CEP250: variants seen among roughly 807,000 people sequenced by gnomAD.
CEP250 encodes centrosome-associated protein CEP250.
A neutral mutation model predicts 315.7 loss-of-function variants in CEP250; 242 were observed. That is an observed-to-expected ratio of 0.77 (90% CI 0.69 to 0.85). The LOEUF is 0.85. CEP250 is among the 40% of genes least tolerant of loss of function. CEP250 has a pLI of 0.00. For synonymous variants in CEP250, 1,088 were observed against 1,175.0 expected, an observed-to-expected ratio of 0.93 and a Z score of 1.51; for missense variants, 2,515 against 2,886.4, an observed-to-expected ratio of 0.87 and a Z score of 2.95.
Position 35,491,252 on chromosome 20 carries a change from A to G in CEP250, c.2795A>G (p.Glu932Gly), listed in dbSNP as rs114806315. 26 of 1,610,172 alleles carry G rather than the reference A, an allele frequency of 1.6e-5. No homozygotes were observed. Among genetic ancestry groups the G allele is most frequent in the African/African-American group, 2.7e-5 (2 of 74,964 alleles). ...GAGAAGGAGAGAGTATCCCTCCTGGAGACACTGCTGCAGACGCAGAAGGAG... is the reference window on the plus strand; with the variant it reads ...GAGAAGGAGAGAGTATCCCTCCTGGGGACACTGCTGCAGACGCAGAAGGAG... ...ETEKERVSLL[E>G]TLLQTQKELA... The change falls in exon 22 of 35, where the codon GAG becomes GGG. Residue 932 changes from glutamate (E) to glycine (G), a missense_variant. Coordinates refer to ENST00000397527, the MANE Select transcript of CEP250 (RefSeq NM_007186.6).
rs1443497116 is a variant in CEP250 at position 35,473,972 on chromosome 20, G to A, written c.1491G>A (p.Gln497=). The A allele has an allele frequency of 6.2e-7, 1 of 1,609,640 alleles. No individual in the cohort carries two copies. The highest frequency in any genetic ancestry group is 2.2e-5 in the East Asian group (1 of 44,732). Residue 497 remains glutamine (Q), a synonymous_variant, in exon 14 of 35, where the codon CAG becomes CAA. Transcript: ENST00000397527. Reference sequence around the variant, plus strand: ...TGCGAAGGGTAAATGTGGAGCTTCAGCTGCAGGGGGACTCTGCCCAGGGCC... The same window carrying A: ...TGCGAAGGGTAAATGTGGAGCTTCAACTGCAGGGGGACTCTGCCCAGGGCC... ...WRLRRVNVEL[Q]LQGDSAQGQK...
chr20:35,498,217 C>T (rs1351434413), intron 26 of CEP250, 150 bp downstream of exon 26: 1 of 694,814 alleles, frequency 1.4e-6, no homozygotes, highest in African/African-American at 1.8e-5. Flanking sequence ...AGCCCCAGCT[C>T]TACCATTTGC....
At chr20:35,498,563 G>A in intron 26 of CEP250, 32 bp from the exon 27 acceptor site, 1 of 1,602,856 alleles carries the variant, frequency 6.2e-7, no homozygotes, top group South Asian at 1.1e-5. Context: ...CATAGTGGCA[G>A]CCAGGTAAGG....
intron 20 of CEP250, 144 bp from the exon 21 acceptor site, chr20:35,490,493 C>A: frequency 1.8e-6 from 1 of 548,976 alleles, no homozygotes; most frequent in Non-Finnish European, 3.0e-6. Context: ...ATTAGCCTTG[C>A]TTTACAGATG....
chr20:35,471,142 T>C (rs2063016185), intron 10 of CEP250, among the ~76,000 whole-genome samples: 1 of 152,156 alleles, frequency 6.6e-6, no homozygotes, highest in Non-Finnish European at 1.5e-5. Flanking sequence ...ATTCAGAATA[T>C]CCATGGGGCT....
At chr20:35,456,532 C>A (rs181408601) in intron 1 of CEP250, among the ~76,000 whole-genome samples, 12 of 152,312 alleles carry the variant, frequency 7.9e-5, no homozygotes, top group African/African-American at 2.6e-4. Flanking sequence ...TACTGGTACG[C>A]CCTCTGTTCC....
chr20:35,490,850 C>A (rs2063668397), intron 21 of CEP250, 46 bp downstream of exon 21: 1 of 1,596,626 alleles, frequency 6.3e-7, no homozygotes, highest in Non-Finnish European at 8.5e-7. Context: ...TCAGCGATCT[C>A]CTTACCTTGA....
At chr20:35,494,919 A>G (rs1366273164) in intron 24 of CEP250, among the ~76,000 whole-genome samples, 1 of 152,206 alleles carries the variant, frequency 6.6e-6, no homozygotes, top group East Asian at 1.9e-4. Context: ...TCCCTGCCCC[A>G]GTAGAATTTA....
At chr20:35,500,889 C>G (rs1195348810) in intron 28 of CEP250, among the ~76,000 whole-genome samples, 1 of 152,208 alleles carries the variant, frequency 6.6e-6, no homozygotes, top group African/African-American at 2.4e-5. Context: ...CTTCCATTTT[C>G]TGTCTCTGTA....
Position 35,479,645 on chromosome 20 carries a change from G to C in CEP250, c.2289-1G>C, listed in dbSNP as rs2063284426. 1 of 1,614,176 alleles carries C rather than the reference G, an allele frequency of 6.2e-7. No individual in the cohort carries two copies. The highest frequency in any genetic ancestry group is 1.7e-5 in the Admixed American group (1 of 60,026). ...ACTCTTCTGATTCCTGAACCTCACAGCTCAGCCAAGGAGCTACTGGAGAGC... is the reference window on the plus strand; with the variant it reads ...ACTCTTCTGATTCCTGAACCTCACACCTCAGCCAAGGAGCTACTGGAGAGC... On this transcript the variant is annotated splice_acceptor_variant, in intron 18 of 34. Coordinates refer to ENST00000397527, the MANE Select transcript of CEP250 (RefSeq NM_007186.6). LOFTEE classifies it high-confidence loss of function.
chr20:35,508,065 G>A lies in CEP250; in HGVS notation c.6781G>A (p.Asp2261Asn), dbSNP rs1849740253. 3 of 1,614,058 alleles carry A rather than the reference G, an allele frequency of 1.9e-6. No homozygotes were observed. Among genetic ancestry groups the A allele is most frequent in the Admixed American group, 1.7e-5 (1 of 60,000 alleles). ...AGGAGTGGAGGCTGAGCCTAGTCCT[G>A]ATGGAATGGAGAAGCAGTCATGGAG... The part of the protein sequence containing the change: ...VSGVEAEPSP[D>N]GMEKQSWRQR... Residue 2261 changes from aspartate (D) to asparagine (N), a missense_variant, in exon 32 of 35, where the codon GAT becomes AAT. By Grantham distance (23) the Asp-to-Asn change is conservative. Transcript: ENST00000397527.
chr20:35,474,569 C>A (rs138587459), intron 14 of CEP250, among the ~76,000 whole-genome samples: 2 of 152,082 alleles, frequency 1.3e-5, no homozygotes, highest in African/African-American at 4.8e-5. Flanking sequence ...TCAGAGTAGG[C>A]TGGGCTGGCT....
intron 14 of CEP250, chr20:35,474,652 T>C (rs560373183): frequency 4.6e-5 from 18 of 388,976 alleles, no homozygotes; most frequent in South Asian, 3.1e-4. Flanking sequence ...CCAGAATCAA[T>C]GGCCCCAGCT....
rs530844722 is a variant in CEP250 at position 35,499,924 on chromosome 20, C to T, written c.3778-125C>T. Reference sequence around the variant, plus strand: ...CATGTGTTTAAAGGAAGTAACCCGGCAATCTGGGAGTAGGTCCACAATGGC... The same window carrying T: ...CATGTGTTTAAAGGAAGTAACCCGGTAATCTGGGAGTAGGTCCACAATGGC... On this transcript the variant is annotated intron_variant, in intron 27 of 34. Transcript: ENST00000397527. The T allele has an allele frequency of 1.0e-4, 124 of 1,202,496 alleles. 1 individual carries two copies. In the Middle Eastern group the frequency reaches 1.9e-3, roughly 19 times the overall value. The allele number at this position is 1,202,496 out of a possible 1,614,324, so 74.5% of individuals were successfully genotyped here.
At position 35,473,411 on chromosome 20, in the gene CEP250, T is replaced by C. The variant is rs747695379; in HGVS notation, c.1247T>C (p.Val416Ala). 2 of 1,613,968 alleles carry C rather than the reference T, an allele frequency of 1.2e-6. No homozygotes were observed. Among genetic ancestry groups the C allele is most frequent in the African/African-American group, 2.7e-5 (2 of 74,906 alleles). The change falls in exon 13 of 35, where the codon GTG (valine) becomes GCG (alanine). Residue 416 changes from valine (V) to alanine (A), a missense_variant. By Grantham distance (64) the Val-to-Ala change is moderately conservative. Transcript: ENST00000397527. Reference sequence around the variant, plus strand: ...CAGCTTGCAGGCTGTCAAGAGGCTGTGAACTTGTTGCAACAGCAGCATGAT... The same window carrying C: ...CAGCTTGCAGGCTGTCAAGAGGCTGCGAACTTGTTGCAACAGCAGCATGAT... ...RQQLAGCQEA[V>A]NLLQQQHDQW...
chr20:35,477,828 T>C (rs1398616477), intron 16 of CEP250, 43 bp from the exon 17 acceptor site: 2 of 1,470,700 alleles, frequency 1.4e-6, no homozygotes, highest in Non-Finnish European at 1.9e-6. Context: ...AAACTAACCA[T>C]TTGTCTTTGA....
chr20:35,468,172 C>T (rs2062938075), intron 9 of CEP250, among the ~76,000 whole-genome samples: 1 of 152,096 alleles, frequency 6.6e-6, no homozygotes. Flanking sequence ...TGGTCTCAAA[C>T]TCCTGACCTC....
chr20:35,491,623 C>G (rs1335713796), intron 22 of CEP250, among the ~76,000 whole-genome samples: 1 of 152,100 alleles, frequency 6.6e-6, no homozygotes, highest in Non-Finnish European at 1.5e-5. Flanking sequence ...CAAAAATTAG[C>G]CGGGCATGGT....
At chr20:35,493,996 TG>T (rs2063767452) in intron 23 of CEP250, among the ~76,000 whole-genome samples, 1 of 152,196 alleles carries the variant, frequency 6.6e-6, no homozygotes, top group East Asian at 1.9e-4. Context: ...TTCTTTTTGG[TG>T]GGGGAGACAG....
Sources: gnomAD v4.1 joint callset for allele counts (sites outside exome capture counted in the v4.1 genomes callset) on GRCh38, gnomAD v4.1.1 for gene constraint, MANE v1.5 for transcripts, NCBI Gene and HGNC (gene_info 2026-07-23, HGNC 2026-07-21) for gene names.